ZSWIM5: variants seen among roughly 807,000 people sequenced by gnomAD.
ZSWIM5 encodes the protein zinc finger SWIM domain-containing protein 5.
ZSWIM5 carries 55 observed loss-of-function variants against 119.6 expected under a neutral mutation model. That is an observed-to-expected ratio of 0.46 (90% CI 0.37 to 0.58). The LOEUF is 0.58. Ranked by LOEUF, ZSWIM5 falls within the 20% of genes least tolerant of loss-of-function variation. ZSWIM5 has a pLI of 0.00. For missense variants in ZSWIM5, 1,193 were observed against 1,512.8 expected, an observed-to-expected ratio of 0.79 and a Z score of 3.51; for synonymous variants, 537 against 606.9, an observed-to-expected ratio of 0.88 and a Z score of 1.69.
chr1:45,162,000 C>T (rs886107682), intron 1 of ZSWIM5, among the ~76,000 whole-genome samples: 1 of 152,202 alleles, frequency 6.6e-6, no homozygotes, highest in Non-Finnish European at 1.5e-5. Flanking sequence ...CCTCTGCTCT[C>T]GCTTTTTCTA....
At chr1:45,201,260 G>C (rs900804996) in intron 1 of ZSWIM5, among the ~76,000 whole-genome samples, 1 of 152,186 alleles carries the variant, frequency 6.6e-6, no homozygotes, top group Non-Finnish European at 1.5e-5. Flanking sequence ...CTAGCCTCCA[G>C]AACTCTGAGA....
intron 2 of ZSWIM5, among the ~76,000 whole-genome samples, chr1:45,079,236 C>T (rs1557758560): frequency 6.6e-6 from 1 of 152,156 alleles, no homozygotes; most frequent in Admixed American, 6.5e-5. Context: ...GGCCCCACCC[C>T]TATCTCCCTT....
At chr1:45,182,449 C>A (rs1015528189) in intron 1 of ZSWIM5, among the ~76,000 whole-genome samples, 2 of 151,548 alleles carry the variant, frequency 1.3e-5, no homozygotes, top group African/African-American at 4.9e-5. Flanking sequence ...AAGACACAGA[C>A]TGGCAAATTG....
At chr1:45,142,336 T>C (rs1031532268) in intron 1 of ZSWIM5, among the ~76,000 whole-genome samples, 5 of 152,130 alleles carry the variant, frequency 3.3e-5, no homozygotes, top group Admixed American at 6.5e-5. Flanking sequence ...TAAACAGATA[T>C]CTGAATAGTC....
chr1:45,099,487 C>T (rs1645424212), intron 1 of ZSWIM5, among the ~76,000 whole-genome samples: 1 of 152,164 alleles, frequency 6.6e-6, no homozygotes, highest in African/African-American at 2.4e-5. Flanking sequence ...GGAGCTGGTA[C>T]CATTCCTTCT....
intron 2 of ZSWIM5, among the ~76,000 whole-genome samples, chr1:45,066,696 T>C (rs910592092): frequency 1.4e-4 from 22 of 152,302 alleles, no homozygotes; most frequent in African/African-American, 4.6e-4. Flanking sequence ...CAAAGTTTTG[T>C]ATGCCACAGA....
intron 2 of ZSWIM5, among the ~76,000 whole-genome samples, chr1:45,078,996 G>T (rs1645271945): frequency 6.6e-6 from 1 of 152,168 alleles, no homozygotes; most frequent in Admixed American, 6.5e-5. Flanking sequence ...AATCACAAAA[G>T]AAGTGAAAAT....
intron 2 of ZSWIM5, among the ~76,000 whole-genome samples, chr1:45,061,699 G>A (rs1645152868): frequency 6.7e-6 from 1 of 149,894 alleles, no homozygotes; most frequent in Non-Finnish European, 1.5e-5. Context: ...ATTATAGGAA[G>A]ATTTGATCAA....
intron 2 of ZSWIM5, among the ~76,000 whole-genome samples, chr1:45,069,283 G>A (rs554944533): frequency 2.6e-5 from 4 of 152,086 alleles, no homozygotes; most frequent in Admixed American, 1.3e-4. Context: ...AAAATTAGCC[G>A]GGCGTGGTGG....
In ZSWIM5 at chr1:45,051,199, G is replaced by T. The variant is rs764517539; in HGVS notation, c.1307C>A (p.Ser436Tyr). The T allele has an allele frequency of 6.2e-7, 1 of 1,614,192 alleles. No homozygotes were observed. Among genetic ancestry groups the T allele is most frequent in the Non-Finnish European group, 8.5e-7 (1 of 1,180,032 alleles). Reference sequence around the variant, plus strand: ...CTTCTGCAGCTGCTGCAGCCAGCAGGATTTCTCCTCCAGTTTGCAGTGTGG... The same window carrying T: ...CTTCTGCAGCTGCTGCAGCCAGCAGTATTTCTCCTCCAGTTTGCAGTGTGG... ...LNPHCKLEEK[S>Y]CWLQQLQKWS... is the part of the protein sequence containing the mutation. The change falls in exon 5 of 14, where the codon TCC becomes TAC. Residue 436 changes from serine to tyrosine, a missense_variant. Transcript: ENST00000359600.
chr1:45,055,652 T>C (rs546973048), intron 4 of ZSWIM5, among the ~76,000 whole-genome samples: 4 of 152,300 alleles, frequency 2.6e-5, no homozygotes, highest in African/African-American at 9.6e-5. Context: ...TTTAAAGCCA[T>C]GGGACTGAAT....
Position 45,057,171 on chromosome 1 carries a change from A to G in ZSWIM5, c.1252+1438T>C, listed in dbSNP as rs1431028385. 6.6e-6 allele frequency among the ~76,000 whole-genome samples: 1 copy of G among 152,202 alleles called. No homozygotes were observed. Among genetic ancestry groups the G allele is most frequent in the Non-Finnish European group, 1.5e-5 (1 of 68,028 alleles). ...AGCATCCCCTGGGAATTTGTTTGAA[A>G]TGCAAATTCTCAGGCTCCACTCCAA... is the stretch of plus-strand genomic sequence containing the variant. On this transcript the variant is annotated intron_variant, in intron 4 of 13. Transcript: ENST00000359600. The surrounding 1 kb of genome is among the most constrained non-coding windows in gnomAD (Gnocchi z 4.7).
At chr1:45,171,442 T>TTG (rs2149045374) in intron 1 of ZSWIM5, among the ~76,000 whole-genome samples, 3 of 152,210 alleles carry the variant, frequency 2.0e-5, no homozygotes, top group African/African-American at 7.2e-5. Flanking sequence ...CAGTGGTAGG[T>TTG]AACTGACAAA....
At chr1:45,198,378 T>A (rs1646138274) in intron 1 of ZSWIM5, among the ~76,000 whole-genome samples, 1 of 152,192 alleles carries the variant, frequency 6.6e-6, no homozygotes, top group Non-Finnish European at 1.5e-5. Flanking sequence ...AGTGGTCCAA[T>A]CAAAGCAAGA....
At chr1:45,168,831 A>T (rs1247367750) in intron 1 of ZSWIM5, among the ~76,000 whole-genome samples, 3 of 152,100 alleles carry the variant, frequency 2.0e-5, no homozygotes, top group African/African-American at 4.8e-5. Flanking sequence ...AAATTTCTAC[A>T]TAGCAAAACT....
chr1:45,018,355 TCA>T lies in ZSWIM5; in HGVS notation c.*97_*98del. ...GTCCTTTGGCCTCATCCACAGGTGC[TCA>T]GAGTTCTCTCAGGGTGGACAAATGT... On this transcript the variant is annotated 3_prime_UTR_variant, in exon 14 of 14. Coordinates refer to ENST00000359600, the MANE Select transcript of ZSWIM5 (RefSeq NM_020883.2). This position sits in a 1 kb window ranked among gnomAD's most constrained non-coding sequence, Gnocchi z 6.7. The T allele has an allele frequency of 4.1e-6, 6 of 1,472,708 alleles. No homozygotes were observed. In the South Asian group the frequency reaches 7.9e-5, roughly 20 times the overall value. The allele number at this position is 1,472,708 out of a possible 1,614,324, so 91.2% of individuals were successfully genotyped here.
chr1:45,092,540 C>G (rs78941933), intron 1 of ZSWIM5, among the ~76,000 whole-genome samples: 1 of 72,962 alleles, frequency 1.4e-5, no homozygotes, highest in Non-Finnish European at 3.2e-5. Context: ...CGTGATCCAC[C>G]CCCCCCCCCC....
chr1:45,087,170 C>T (rs1475806908), intron 2 of ZSWIM5, among the ~76,000 whole-genome samples: 1 of 152,146 alleles, frequency 6.6e-6, no homozygotes, highest in Non-Finnish European at 1.5e-5. Context: ...AGGCGTGAGC[C>T]ACTGTGCCTG....
At chr1:45,052,124 C>G (rs1010034966) in intron 4 of ZSWIM5, among the ~76,000 whole-genome samples, 1 of 151,080 alleles carries the variant, frequency 6.6e-6, no homozygotes, top group East Asian at 1.9e-4. Flanking sequence ...AGCCTCAGCG[C>G]CCCCCCTCGC....
Sources: allele counts gnomAD v4.1 joint callset (sites outside exome capture counted in the v4.1 genomes callset), GRCh38; gene constraint gnomAD v4.1.1; non-coding constraint Gnocchi (gnomAD v3.1); transcripts MANE v1.5; gene names NCBI Gene and HGNC (gene_info 2026-07-23, HGNC 2026-07-21).